Variants in TSFM observed in about 807,000 individuals in gnomAD.
The protein encoded by TSFM is Ts translation elongation factor, mitochondrial.
Under a neutral mutation model 33.4 loss-of-function variants are expected in TSFM, and 29 were observed. The observed-to-expected ratio is 0.87, with a 90% CI of 0.65 to 1.18. TSFM has a LOEUF of 1.18. TSFM is among the 50% of genes most tolerant of loss of function. The pLI, the probability that TSFM is intolerant of heterozygous loss-of-function variation, is 0.00. For synonymous variants in TSFM, 178 were observed against 163.5 expected, an observed-to-expected ratio of 1.09 and a Z score of -0.68; for missense variants, 394 against 395.6, an observed-to-expected ratio of 1.00 and a Z score of 0.04.
At chr12:57,784,171 G>A in intron 2 of TSFM, 1 of 701,200 alleles carries the variant, frequency 1.4e-6, no homozygotes, top group Admixed American at 2.0e-5. Flanking sequence ...TAACACAGTG[G>A]TAAGTATTGT....
At chr12:57,798,795 T>G (rs1396047032), downstream of TSFM, among the ~76,000 whole-genome samples, 1 of 152,014 alleles carries the variant, frequency 6.6e-6, no homozygotes, top group Non-Finnish European at 1.5e-5. Flanking sequence ...TTTTGTATTT[T>G]TAGTACAGAC....
chr12:57,793,362 A>C (rs892138013), intron 5 of TSFM, among the ~76,000 whole-genome samples: 1 of 152,122 alleles, frequency 6.6e-6, no homozygotes, highest in Non-Finnish European at 1.5e-5. Context: ...AGCTGGGACT[A>C]CAGGCGCCTG....
chr12:57,783,277 C>T lies in TSFM; in HGVS notation c.225C>T (p.Leu75=), dbSNP rs747664076. 8 of 1,613,682 alleles carry T rather than the reference C, an allele frequency of 5.0e-6. No individual in the cohort carries two copies. The South Asian group carries it at 8.8e-5, about 18-fold the overall frequency. Residue 75 remains leucine (L), a synonymous_variant, in exon 2 of 6, where the codon CTC becomes CTT. Transcript: ENST00000652027. ...CTCTGGAGACTTGTGGCGGGGACCT[C>T]AAACAGGTGTGTGTGTGGAGGGGTG... ...KKALETCGGD[L]KQAEIWLHKE... is the part of the protein sequence containing the mutation.
chr12:57,788,085 A>G (rs1955613321), intron 4 of TSFM, among the ~76,000 whole-genome samples: 2 of 152,168 alleles, frequency 1.3e-5, no homozygotes, highest in Admixed American at 1.3e-4. Flanking sequence ...TGAGTTTATT[A>G]CCAACTTTTT....
In TSFM at chr12:57,782,850, A is replaced by G; in HGVS notation, c.49A>G (p.Ser17Gly). 2 of 1,593,922 alleles carry G rather than the reference A, an allele frequency of 1.3e-6. No individual in the cohort carries two copies. Among genetic ancestry groups the G allele is most frequent in the Non-Finnish European group, 1.7e-6 (2 of 1,171,056 alleles). Residue 17 changes from serine (S) to glycine (G), a missense_variant, in exon 1 of 6, where the codon AGC becomes GGC. This residue lies in a region of TSFM where 208 missense variants were observed against 180.4 expected (regional missense o/e 1.15). Transcript: ENST00000652027. ...LRVFLVARTG[S>G]YPAGSLLRQS... ...CGTGTTTCTGGTCGCGCGGACCGGG[A>G]GCTACCCGGTGAGAAGTCCTGGTGC...
intron 1 of TSFM, 95 bp downstream of exon 1, chr12:57,782,953 C>T: frequency 6.7e-7 from 1 of 1,482,404 alleles, no homozygotes; most frequent in Non-Finnish European, 9.1e-7. Context: ...TTGACTCCAT[C>T]TCACCTTCCC....
chr12:57,784,405 T>A (rs1034540706), intron 2 of TSFM, among the ~76,000 whole-genome samples: 1 of 152,206 alleles, frequency 6.6e-6, no homozygotes, highest in Non-Finnish European at 1.5e-5. Flanking sequence ...TAAGAAATTT[T>A]TTTCTGTGAT....
downstream of TSFM, among the ~76,000 whole-genome samples, chr12:57,798,334 A>G (rs1955777212): frequency 6.6e-6 from 1 of 152,214 alleles, no homozygotes; most frequent in African/African-American, 2.4e-5. Context: ...AAATTGAGCT[A>G]TGGTTTTCCT....
chr12:57,802,658 C>A (rs1456027621), downstream of TSFM: 12 of 657,578 alleles, frequency 1.8e-5, no homozygotes, highest in Middle Eastern at 2.4e-4. Context: ...AAAAATAACA[C>A]CTTCAGGATG....
chr12:57,793,604 C>T (rs1399642869), intron 5 of TSFM, among the ~76,000 whole-genome samples: 2 of 152,296 alleles, frequency 1.3e-5, no homozygotes, highest in Middle Eastern at 3.4e-3. Flanking sequence ...TCTAGGGAAA[C>T]GGAGTCCTGG....
In TSFM at chr12:57,793,044, C is replaced by A; in HGVS notation, c.542C>A (p.Ser181Ter). Residue 181 changes from serine (S) to a stop codon, truncating the protein, a stop_gained, in exon 5 of 6, where the codon TCA becomes TAA. Transcript: ENST00000652027. LOFTEE classifies it high-confidence loss of function. Reference sequence around the variant, plus strand: ...CCAGCTGGGCCTGACAGAGAAGGCTCACTCAAGGATCAGTTGGCTTTAGCA... The same window carrying A: ...CCAGCTGGGCCTGACAGAGAAGGCTAACTCAAGGATCAGTTGGCTTTAGCA... ...GLPAGPDREG[S>*]LKDQLALAIG... The A allele has an allele frequency of 6.2e-7, 1 of 1,613,706 alleles. No homozygotes were observed. The highest frequency in any genetic ancestry group is 2.2e-5 in the East Asian group (1 of 44,872).
At chr12:57,793,168 C>A in intron 5 of TSFM, 95 bp downstream of exon 5, 2 of 1,061,588 alleles carry the variant, frequency 1.9e-6, no homozygotes, top group East Asian at 2.5e-5. Context: ...CATGTGCCTA[C>A]AAGGGTCAGA....
chr12:57,787,167 G>A lies in TSFM; in HGVS notation c.483+5G>A. ...CAACCCTCTGCATACAGTAAAGTAAGTTTGGGATTTGTCTCCAGTGTGCTG... is the reference window on the plus strand; with the variant it reads ...CAACCCTCTGCATACAGTAAAGTAAATTTGGGATTTGTCTCCAGTGTGCTG... On this transcript the variant is annotated splice_donor_5th_base_variant and intron_variant, in intron 4 of 5. Coordinates refer to ENST00000652027, the MANE Select transcript of TSFM (RefSeq NM_005726.6). 1 of 1,560,750 alleles carries A rather than the reference G, an allele frequency of 6.4e-7. No individual in the cohort carries two copies. Among genetic ancestry groups the A allele is most frequent in the Non-Finnish European group, 8.7e-7 (1 of 1,151,316 alleles).
At position 57,797,288 on chromosome 12, in the gene TSFM, TCTTTA is replaced by T; in HGVS notation, c.*709_*713del. 9.1e-6 allele frequency: 9 copies of T among 985,452 alleles called. No individual in the cohort carries two copies. Among genetic ancestry groups the T allele is most frequent in the African/African-American group, 1.7e-5 (1 of 57,370 alleles). 61.0% of individuals were successfully genotyped at this position (985,452 alleles called of 1,614,324 possible). A position where few individuals can be genotyped will look rare whatever the true frequency, so the allele number is the denominator to read the frequency against. ...CCCAGAGAGCTCACTTAACATTGCC[TCTTTA>T]CTTCCCCAGTACTGAAACATTTCTT... is the stretch of plus-strand genomic sequence containing the variant. On this transcript the variant is annotated 3_prime_UTR_variant, in exon 6 of 6. Coordinates refer to ENST00000652027, the MANE Select transcript of TSFM (RefSeq NM_005726.6).
chr12:57,784,184 A>G, intron 2 of TSFM: 3 of 698,474 alleles, frequency 4.3e-6, no homozygotes, highest in Non-Finnish European at 5.2e-6. Context: ...AGTATTGTGT[A>G]TCTAAACATA....
chr12:57,783,717 C>T (rs531085856), intron 2 of TSFM: 1 of 588,912 alleles, frequency 1.7e-6, no homozygotes, highest in East Asian at 3.5e-5. Flanking sequence ...CCTCAGCCTC[C>T]TGAGTAGTTG....
At chr12:57,785,817 G>GT (rs1955583498) in intron 2 of TSFM, among the ~76,000 whole-genome samples, 1 of 152,154 alleles carries the variant, frequency 6.6e-6, no homozygotes, top group Admixed American at 6.5e-5. Flanking sequence ...GAGGACTACC[G>GT]TGTCACTAGA....
At chr12:57,795,803 CAG>C (rs1955728806) in intron 5 of TSFM, among the ~76,000 whole-genome samples, 1 of 152,048 alleles carries the variant, frequency 6.6e-6, no homozygotes, top group African/African-American at 2.4e-5. Context: ...TTAGTAGAAA[CAG>C]GGTTTCATCC....
chr12:57,794,273 G>A (rs1309152475), intron 5 of TSFM, among the ~76,000 whole-genome samples: 1 of 152,172 alleles, frequency 6.6e-6, no homozygotes, highest in Non-Finnish European at 1.5e-5. Context: ...TTGGTTTCTG[G>A]ATTCTCCTTT....
Sources: gnomAD v4.1 joint callset for allele counts (sites outside exome capture counted in the v4.1 genomes callset) on GRCh38, gnomAD v4.1.1 for gene constraint, gnomAD v4.1.1 regional missense constraint, MANE v1.5 for transcripts, NCBI Gene and HGNC (gene_info 2026-07-23, HGNC 2026-07-21) for gene names.